The following SCARB1 variants were observed in gnomAD, a reference collection of about 807,000 sequenced individuals.
SCARB1 encodes CD36 and LIMPII analogous 1.
Under a neutral mutation model 57.2 loss-of-function variants are expected in SCARB1, and 30 were observed. That is an observed-to-expected ratio of 0.52 (90% CI 0.39 to 0.71). The LOEUF (loss-of-function observed/expected upper bound fraction) is 0.71. Ranked by LOEUF, SCARB1 falls within the 30% of genes least tolerant of loss-of-function variation. The probability of loss-of-function intolerance (pLI) is 0.00; values close to 1 mark genes in which losing one functional copy is unlikely to be tolerated. For missense variants in SCARB1, 543 were observed against 671.2 expected (o/e 0.81, Z 2.11); for synonymous variants, 249 against 268.3 (o/e 0.93, Z 0.70).
Position 124,814,907 on chromosome 12 carries a change from A to T in SCARB1, c.426+66T>A. On this transcript the variant is annotated intron_variant, in intron 3 of 12. Coordinates refer to ENST00000261693, the MANE Select transcript of SCARB1 (RefSeq NM_005505.5). The surrounding 1 kb of genome is among the most constrained non-coding windows in gnomAD (Gnocchi z 4.7). Reference sequence around the variant, plus strand: ...AGGGACTGCTCTCTGCACAAGGGGCAGGCGGGAGGAGAGACAGGGGACGAG... The same window carrying T: ...AGGGACTGCTCTCTGCACAAGGGGCTGGCGGGAGGAGAGACAGGGGACGAG... 7 of 1,602,290 alleles carry T rather than the reference A, an allele frequency of 4.4e-6. No individual in the cohort carries two copies. Among genetic ancestry groups the T allele is most frequent in the Middle Eastern group, 1.7e-4 (1 of 6,038 alleles).
intron 1 of SCARB1, among the ~76,000 whole-genome samples, chr12:124,858,775 A>C (rs1358932238): frequency 6.6e-6 from 1 of 151,898 alleles, no homozygotes; most frequent in Non-Finnish European, 1.5e-5. Context: ...GCTACTCAGG[A>C]GGCTGAGGCA....
chr12:124,858,572 A>AT (rs545810290), intron 1 of SCARB1, among the ~76,000 whole-genome samples: 5 of 150,132 alleles, frequency 3.3e-5, no homozygotes, highest in South Asian at 2.1e-4. Context: ...TTCATTCGTA[A>AT]TTTTTTTTTT....
chr12:124,831,516 C>T (rs759799337), intron 1 of SCARB1, among the ~76,000 whole-genome samples: 19 of 152,150 alleles, frequency 1.2e-4, no homozygotes, highest in Non-Finnish European at 1.6e-4. Flanking sequence ...GCCACCAAGG[C>T]CCAATCAGGG....
intron 1 of SCARB1, among the ~76,000 whole-genome samples, chr12:124,850,942 T>C (rs954557310): frequency 3.9e-5 from 6 of 152,126 alleles, no homozygotes; most frequent in Admixed American, 3.9e-4. Flanking sequence ...ACCCTACTCC[T>C]ACCTGAGTCT....
chr12:124,847,096 A>C (rs2093946883), intron 1 of SCARB1, among the ~76,000 whole-genome samples: 1 of 152,236 alleles, frequency 6.6e-6, no homozygotes, highest in African/African-American at 2.4e-5. Flanking sequence ...GGGTGATTGC[A>C]TGCATGTTCA....
At chr12:124,791,627 G>C (rs931567917) in intron 9 of SCARB1, among the ~76,000 whole-genome samples, 1 of 152,184 alleles carries the variant, frequency 6.6e-6, no homozygotes, top group African/African-American at 2.4e-5. Flanking sequence ...AAGTCACTGA[G>C]GGGCGGTGAC....
At chr12:124,855,323 C>A (rs1952583501) in intron 1 of SCARB1, among the ~76,000 whole-genome samples, 1 of 151,854 alleles carries the variant, frequency 6.6e-6, no homozygotes, top group African/African-American at 2.4e-5. Context: ...CATGAGGCTT[C>A]CTGGAACCCG....
chr12:124,787,553 A>G (rs1383069160), intron 9 of SCARB1, 96 bp from the exon 10 acceptor site: 1 of 1,086,476 alleles, frequency 9.2e-7, no homozygotes, highest in East Asian at 2.5e-5. Context: ...GGTTTAGTAT[A>G]ATTTTGCACA....
chr12:124,823,471 T>C (rs1951020067), intron 1 of SCARB1, among the ~76,000 whole-genome samples: 1 of 152,070 alleles, frequency 6.6e-6, no homozygotes, highest in Non-Finnish European at 1.5e-5. Context: ...TTTTTTTTCA[T>C]GGAAAATAGC....
intron 12 of SCARB1, among the ~76,000 whole-genome samples, chr12:124,781,940 C>T (rs1873559536): frequency 6.6e-6 from 1 of 152,134 alleles, no homozygotes; most frequent in Non-Finnish European, 1.5e-5. Context: ...GAGTCTCACT[C>T]TGTCACCCAG....
At chr12:124,797,433 T>A (rs1422888696) in intron 8 of SCARB1, among the ~76,000 whole-genome samples, 1 of 151,846 alleles carries the variant, frequency 6.6e-6, no homozygotes, top group Admixed American at 6.6e-5. Context: ...AGCAAGCTGA[T>A]CTCCTGATCC....
chr12:124,817,355 A>G lies in SCARB1; in HGVS notation c.284+195T>C, dbSNP rs1950778090. Among the ~76,000 whole-genome samples, 1 of 37,994 alleles carries G rather than the reference A, an allele frequency of 2.6e-5. No individual in the cohort carries two copies. Among genetic ancestry groups the G allele is most frequent in the Non-Finnish European group, 6.6e-5 (1 of 15,152 alleles). The allele number at this position is 37,994 out of a possible 152,430, so 24.9% of individuals were successfully genotyped here. On this transcript the variant is annotated intron_variant, in intron 2 of 12. Coordinates refer to ENST00000261693, the MANE Select transcript of SCARB1 (RefSeq NM_005505.5). The surrounding 1 kb of genome is among the most constrained non-coding windows in gnomAD (Gnocchi z 4.8). Reference sequence around the variant, plus strand: ...GCAACATAGCAAGATCCCATCTCTAAAAAAAAAAAAAAAAAAAAAAAAAAC... The same window carrying G: ...GCAACATAGCAAGATCCCATCTCTAGAAAAAAAAAAAAAAAAAAAAAAAAC...
At chr12:124,850,315 G>A (rs2135823456) in intron 1 of SCARB1, among the ~76,000 whole-genome samples, 1 of 152,258 alleles carries the variant, frequency 6.6e-6, no homozygotes, top group African/African-American at 2.4e-5. Context: ...GGAGGTTGCA[G>A]TGAGCCAAGA....
intron 1 of SCARB1, among the ~76,000 whole-genome samples, chr12:124,820,231 T>G (rs1950897113): frequency 6.6e-6 from 1 of 152,094 alleles, no homozygotes; most frequent in Non-Finnish European, 1.5e-5. Flanking sequence ...GGTGATGCTG[T>G]TCACTGTGTT....
intron 1 of SCARB1, among the ~76,000 whole-genome samples, chr12:124,833,346 C>T (rs750748763): frequency 2.0e-5 from 3 of 152,018 alleles, no homozygotes; most frequent in East Asian, 1.9e-4. Context: ...TACACCACCA[C>T]GCCTGGCTAA....
At position 124,817,470 on chromosome 12, in the gene SCARB1, T is replaced by A. The variant is rs1950786527; in HGVS notation, c.284+80A>T. The A allele has an allele frequency of 1.5e-6, 2 of 1,333,104 alleles. No individual in the cohort carries two copies. Among genetic ancestry groups the A allele is most frequent in the Non-Finnish European group, 2.1e-6 (2 of 970,478 alleles). 82.6% of individuals were successfully genotyped at this position (1,333,104 alleles called of 1,614,324 possible). On this transcript the variant is annotated intron_variant, in intron 2 of 12. Coordinates refer to ENST00000261693, the MANE Select transcript of SCARB1 (RefSeq NM_005505.5). This position sits in a 1 kb window ranked among gnomAD's most constrained non-coding sequence, Gnocchi z 4.8. ...AATCTCTGGGGCTCAGTCAGCAGCC[T>A]CCCCATCCCGTCCACTCTGAGACCC...
At chr12:124,840,734 T>A (rs766597282) in intron 1 of SCARB1, among the ~76,000 whole-genome samples, 28 of 152,064 alleles carry the variant, frequency 1.8e-4, no homozygotes, top group Non-Finnish European at 3.7e-4. Flanking sequence ...TGACTCTCCC[T>A]GAAAAAAAAC....
chr12:124,840,185 A>AT (rs61308172), intron 1 of SCARB1, among the ~76,000 whole-genome samples: 14,021 of 143,454 alleles, frequency 0.098, 765 homozygotes, highest in Non-Finnish European at 0.13. Flanking sequence ...GGCTATCTGC[A>AT]TTTTTTTTTT....
chr12:124,805,441 G>T (rs1950287152), intron 7 of SCARB1, among the ~76,000 whole-genome samples: 1 of 151,780 alleles, frequency 6.6e-6, no homozygotes, highest in Non-Finnish European at 1.5e-5. Context: ...GAGGCTGGTG[G>T]GGCTGGATCC....
Sources: allele counts gnomAD v4.1 joint callset (sites outside exome capture counted in the v4.1 genomes callset), GRCh38; gene constraint gnomAD v4.1.1; non-coding constraint Gnocchi (gnomAD v3.1); transcripts MANE v1.5; gene names NCBI Gene and HGNC (gene_info 2026-07-23, HGNC 2026-07-21).